PLS3: variants seen among roughly 807,000 people sequenced by gnomAD.
PLS3 encodes the protein plastin 3.
A neutral mutation model predicts 46.5 loss-of-function variants in PLS3; 11 were observed. The ratio of observed to expected loss-of-function variants is 0.24; its 90% CI spans 0.15 to 0.39. The LOEUF (loss-of-function observed/expected upper bound fraction) is 0.39, where lower values mean the gene tolerates loss of function less well. Among genes scored for constraint, PLS3 ranks in the 10% least tolerant of loss-of-function variants. PLS3 has a pLI of 1.00. For synonymous variants in PLS3, 167 were observed against 162.2 expected, an observed-to-expected ratio of 1.03 and a Z score of -0.22; for missense variants, 308 against 461.8, an observed-to-expected ratio of 0.67 and a Z score of 3.05.
chrX:115,629,920 T>C lies in PLS3; in HGVS notation c.453T>C (p.Pro151=). The change falls in exon 5 of 16, where the codon CCT becomes CCC. Residue 151 remains proline (P), a synonymous_variant. Coordinates refer to ENST00000355899, the MANE Select transcript of PLS3 (RefSeq NM_005032.7). ...GTAGACATGTTATACCAATGAACCC[T>C]AACACCGATGACCTGTTCAAAGCTG... ...PDCRHVIPMN[P]NTDDLFKAVG... 1 of 1,185,525 alleles carries C rather than the reference T, an allele frequency of 8.4e-7. No individual in the cohort carries two copies. Among genetic ancestry groups the C allele is most frequent in the Non-Finnish European group, 1.1e-6 (1 of 874,345 alleles).
intron 1 of PLS3, among the ~76,000 whole-genome samples, chrX:115,570,522 T>TTTG (rs2074206937): frequency 9.8e-6 from 1 of 101,524 alleles, no homozygotes; most frequent in African/African-American, 3.7e-5. Context: ...TTTTTTTTTT[T>TTTG]GGACAGAGTC....
chrX:115,625,633 A>G (rs1160231412), intron 3 of PLS3, among the ~76,000 whole-genome samples: 2 of 110,922 alleles, frequency 1.8e-5, no homozygotes, highest in Non-Finnish European at 3.8e-5. Flanking sequence ...AAATATTACT[A>G]AGTTTAGGCC....
At position 115,649,792 on chromosome X, in the gene PLS3, C is replaced by G; in HGVS notation, c.*231C>G. 1 of 282,540 alleles carries G rather than the reference C, an allele frequency of 3.5e-6. No individual in the cohort carries two copies. The highest frequency in any genetic ancestry group is 6.4e-6 in the Non-Finnish European group (1 of 157,338). 23.3% of individuals were successfully genotyped at this position (282,540 alleles called of 1,213,427 possible). ...TTGTCAGGCACGCCTGAAATGTGCT[C>G]ATAGCCAAAACATTTTACTCTCTCC... is the stretch of plus-strand genomic sequence containing the variant. On this transcript the variant is annotated 3_prime_UTR_variant, in exon 16 of 16. Transcript: ENST00000355899.
chrX:115,576,830 C>T (rs1406570950), intron 1 of PLS3, among the ~76,000 whole-genome samples: 13 of 112,361 alleles, frequency 1.2e-4, no homozygotes, highest in South Asian at 3.7e-4. Context: ...GAACTTCCTG[C>T]GTATTTAATA....
At chrX:115,638,724 T>A (rs1385104645) in intron 8 of PLS3, among the ~76,000 whole-genome samples, 1 of 110,690 alleles carries the variant, frequency 9.0e-6, no homozygotes, top group African/African-American at 3.3e-5. Flanking sequence ...TGTTTATTTT[T>A]TTTTTTGAGA....
At chrX:115,571,385 G>T (rs1416686440) in intron 1 of PLS3, among the ~76,000 whole-genome samples, 1 of 111,077 alleles carries the variant, frequency 9.0e-6, no homozygotes, top group Non-Finnish European at 1.9e-5. Flanking sequence ...AGGCGTGTTG[G>T]CCCATGCCTA....
At chrX:115,644,975 A>G in intron 10 of PLS3, 46 bp from the exon 11 acceptor site, 1 of 796,349 alleles carries the variant, frequency 1.3e-6, no homozygotes, top group Non-Finnish European at 1.9e-6. Context: ...ATGCACATAC[A>G]TAAAGTGTTT....
chrX:115,583,514 T>C (rs782758353), intron 1 of PLS3, among the ~76,000 whole-genome samples: 3 of 112,672 alleles, frequency 2.7e-5, no homozygotes, highest in African/African-American at 6.4e-5. Context: ...GACTCCACAA[T>C]GATAGTGGAA....
At chrX:115,586,236 C>T (rs1328921871) in intron 1 of PLS3, among the ~76,000 whole-genome samples, 2 of 107,891 alleles carry the variant, frequency 1.9e-5, no homozygotes, top group Non-Finnish European at 3.8e-5. Flanking sequence ...CCACCTGCCT[C>T]GGCCTCCCAA....
intron 1 of PLS3, among the ~76,000 whole-genome samples, chrX:115,599,336 C>CAAA (rs1226830291): frequency 5.9e-4 from 19 of 32,387 alleles, no homozygotes; most frequent in African/African-American, 1.8e-3. Flanking sequence ...CCTGTCTCTA[C>CAAA]AAAAAAAAAA....
chrX:115,628,124 G>A (rs1462596099), intron 3 of PLS3, among the ~76,000 whole-genome samples: 3 of 111,992 alleles, frequency 2.7e-5, no homozygotes, highest in Non-Finnish European at 5.6e-5. Context: ...CACAAGGCTT[G>A]GTTAGTATAG....
intron 13 of PLS3, among the ~76,000 whole-genome samples, chrX:115,647,345 A>C (rs1260116295): frequency 1.8e-5 from 2 of 111,907 alleles, no homozygotes; most frequent in African/African-American, 6.5e-5. Flanking sequence ...AGGCAGGAGA[A>C]TGGTGTGAAC....
At chrX:115,639,245 C>T (rs1401492740) in intron 8 of PLS3, among the ~76,000 whole-genome samples, 1 of 111,913 alleles carries the variant, frequency 8.9e-6, no homozygotes, top group Non-Finnish European at 1.9e-5. Context: ...TTGTAGTACA[C>T]TATTCCTTAA....
rs979029488 is a variant in PLS3, at chrX:115,623,250, G to A, written c.237+841G>A. ...TCACACCTGTAACTCCGGCACTTTG[G>A]TAGGCTGAGGCAGGAGGGTCTCTTG... On this transcript the variant is annotated intron_variant, in intron 3 of 15. Coordinates refer to ENST00000355899, the MANE Select transcript of PLS3 (RefSeq NM_005032.7). 3.6e-5 allele frequency among the ~76,000 whole-genome samples: 4 copies of A among 112,028 alleles called. No homozygotes were observed. The South Asian group carries it at 1.1e-3, about 31-fold the overall frequency.
intron 5 of PLS3, among the ~76,000 whole-genome samples, chrX:115,632,618 G>T (rs1055987582): frequency 9.0e-6 from 1 of 111,431 alleles, no homozygotes; most frequent in East Asian, 2.8e-4. Flanking sequence ...TCATTGTTGA[G>T]GCACTCGGTA....
At chrX:115,585,164 A>G (rs184245533) in intron 1 of PLS3, among the ~76,000 whole-genome samples, 21 of 111,329 alleles carry the variant, frequency 1.9e-4, no homozygotes, top group African/African-American at 6.2e-4. Flanking sequence ...ATTTTAGGGA[A>G]TTGATTATAT....
At chrX:115,576,221 T>A (rs887087392) in intron 1 of PLS3, among the ~76,000 whole-genome samples, 1 of 112,010 alleles carries the variant, frequency 8.9e-6, no homozygotes, top group Admixed American at 9.5e-5. Flanking sequence ...GGAGTCTTTA[T>A]CTTTTGACCT....
intron 2 of PLS3, among the ~76,000 whole-genome samples, chrX:115,619,283 C>G (rs1276355180): frequency 1.8e-5 from 2 of 112,244 alleles, no homozygotes; most frequent in Non-Finnish European, 3.8e-5. Context: ...GACATTGTTT[C>G]ACATTATTCC....
At position 115,645,082 on chromosome X, in the gene PLS3, C is replaced by T. The variant is rs144592792; in HGVS notation, c.1245C>T (p.His415=). ...NWMNSLGVNP[H]VNHLYADLQD... ...TGAACTCTCTTGGTGTCAATCCTCA[C>T]GTAAACCATCTCTATGCGTAAGCCT... The change falls in exon 11 of 16, where the codon CAC becomes CAT. Residue 415 remains histidine (H), a synonymous_variant. Transcript: ENST00000355899. 1.5e-5 allele frequency: 17 copies of T among 1,167,355 alleles called. No individual in the cohort carries two copies. The highest frequency in any genetic ancestry group is 1.2e-4 in the African/African-American group (7 of 56,277).
Sources: gnomAD v4.1 joint callset for allele counts (sites outside exome capture counted in the v4.1 genomes callset) on GRCh38, gnomAD v4.1.1 for gene constraint, MANE v1.5 for transcripts, NCBI Gene and HGNC (gene_info 2026-07-23, HGNC 2026-07-21) for gene names.